BABAM2: variants seen among roughly 807,000 people sequenced by gnomAD.
BABAM2 encodes the protein BRISC and BRCA1 A complex member 2.
A neutral mutation model predicts 54.7 loss-of-function variants in BABAM2; 31 were observed. The observed-to-expected ratio is 0.57, with a 90% CI of 0.43 to 0.77. BABAM2 has a LOEUF of 0.77. Ranked by LOEUF, BABAM2 falls within the 30% of genes least tolerant of loss-of-function variation. The pLI is 0.00. For synonymous variants in BABAM2, 167 were observed against 162.9 expected (o/e 1.03, Z -0.19); for missense variants, 364 against 455.8 (o/e 0.80, Z 1.83).
chr2:28,118,564 GTTGT>G (rs2148744885), intron 6 of BABAM2, among the ~76,000 whole-genome samples: 1 of 152,122 alleles, frequency 6.6e-6, no homozygotes, highest in African/African-American at 2.4e-5. Context: ...TTTTGATAGG[GTTGT>G]TTGTTTTTTT....
At chr2:28,028,098 A>G (rs1310302765) in intron 5 of BABAM2, among the ~76,000 whole-genome samples, 1 of 152,018 alleles carries the variant, frequency 6.6e-6, no homozygotes, top group African/African-American at 2.4e-5. Context: ...TCGACTGGAG[A>G]TGGAGTCATT....
At chr2:28,165,974 T>A (rs961661945) in intron 7 of BABAM2, among the ~76,000 whole-genome samples, 2 of 152,156 alleles carry the variant, frequency 1.3e-5, no homozygotes, top group Non-Finnish European at 2.9e-5. Context: ...GGTAATTAGA[T>A]TAGAATGAGG....
At chr2:28,016,011 C>A in intron 4 of BABAM2, 1 of 616,762 alleles carries the variant, frequency 1.6e-6, no homozygotes, top group East Asian at 4.3e-5. Flanking sequence ...ACTTCTTTTT[C>A]TTTTTTAAAT....
chr2:28,164,076 G>T (rs1673382995), intron 7 of BABAM2, among the ~76,000 whole-genome samples: 1 of 152,192 alleles, frequency 6.6e-6, no homozygotes, highest in Non-Finnish European at 1.5e-5. Context: ...CCTACAACTT[G>T]TTGCACTTAA....
chr2:28,189,046 C>T (rs573594183), intron 7 of BABAM2, among the ~76,000 whole-genome samples: 1 of 151,996 alleles, frequency 6.6e-6, no homozygotes, highest in Non-Finnish European at 1.5e-5. Context: ...ACTAAAAATA[C>T]AAAAATTAGC....
intron 6 of BABAM2, among the ~76,000 whole-genome samples, chr2:28,111,618 C>T (rs931893511): frequency 1.3e-5 from 2 of 152,160 alleles, no homozygotes. Flanking sequence ...CTGTGTTCTC[C>T]TGTTTAATCA....
At chr2:28,211,384 A>ATATTTTTT (rs1679434145) in intron 7 of BABAM2, among the ~76,000 whole-genome samples, 1 of 25,332 alleles carries the variant, frequency 3.9e-5, no homozygotes, top group Admixed American at 6.7e-4. Context: ...CTTCCTTATT[A>ATATTTTTT]TCTTTTTTTT....
intron 6 of BABAM2, among the ~76,000 whole-genome samples, chr2:28,083,090 G>T (rs146588413): frequency 1.3e-5 from 2 of 152,082 alleles, no homozygotes; most frequent in Non-Finnish European, 2.9e-5. Context: ...AGTCTTTCCA[G>T]CTCCATTTCT....
intron 4 of BABAM2, among the ~76,000 whole-genome samples, chr2:28,003,189 T>C (rs1046382536): frequency 1.3e-5 from 2 of 152,196 alleles, no homozygotes; most frequent in Admixed American, 1.3e-4. Context: ...ATTAAAGCTT[T>C]GTTTTGCAAG....
rs537140995 is a variant in BABAM2, at chr2:27,894,471, G to A, written c.-24-62G>A. On this transcript the variant is annotated intron_variant, in intron 1 of 11. Transcript: ENST00000379624. ...CTGCTGTATGCTGTCCAGTTTTCAG[G>A]CAGAGTGTTGTATCTAGTCCATTTG... 9 of 1,495,600 alleles carry A rather than the reference G, an allele frequency of 6.0e-6. No homozygotes were observed. The East Asian group carries it at 2.0e-4, about 34-fold the overall frequency. 92.6% of individuals were successfully genotyped at this position (1,495,600 alleles called of 1,614,324 possible).
intron 6 of BABAM2, among the ~76,000 whole-genome samples, chr2:28,047,768 T>C (rs1677701310): frequency 6.6e-6 from 1 of 152,174 alleles, no homozygotes; most frequent in Non-Finnish European, 1.5e-5. Context: ...AACACTAATG[T>C]CCTTCTGGAT....
intron 7 of BABAM2, among the ~76,000 whole-genome samples, chr2:28,143,149 A>ATC (rs1263146288): frequency 1.3e-5 from 2 of 151,694 alleles, no homozygotes; most frequent in Non-Finnish European, 2.9e-5. Context: ...AAAGAAATAT[A>ATC]TATATATATA....
intron 7 of BABAM2, among the ~76,000 whole-genome samples, chr2:28,185,795 T>C (rs7602555): frequency 0.11 from 16,654 of 152,190 alleles, 992 homozygotes; most frequent in African/African-American, 0.14. Flanking sequence ...TTAATCTTCT[T>C]GTGCCATGAG....
In BABAM2 at chr2:28,207,560, A is replaced by T. The variant is rs549374673; in HGVS notation, c.681-29642A>T. Among the ~76,000 whole-genome samples, 29 of 152,260 alleles carry T rather than the reference A, an allele frequency of 1.9e-4. 2 individuals carry two copies. The South Asian group carries it at 5.6e-3, about 29-fold the overall frequency. On this transcript the variant is annotated intron_variant, in intron 7 of 11. Coordinates refer to ENST00000379624, the MANE Select transcript of BABAM2 (RefSeq NM_199191.3). Reference sequence around the variant, plus strand: ...CCTGTCTCAAAAAATAAATAAAAATAAAGCATCCAACTTGAGCAAGGAATA... The same window carrying T: ...CCTGTCTCAAAAAATAAATAAAAATTAAGCATCCAACTTGAGCAAGGAATA...
chr2:28,026,948 T>TATAAATATATA (rs1558667974), intron 5 of BABAM2, among the ~76,000 whole-genome samples: 6 of 73,378 alleles, frequency 8.2e-5, no homozygotes, highest in African/African-American at 4.1e-4. Context: ...AAATATATAT[T>TATAAATATATA]AATATATATA....
intron 11 of BABAM2, chr2:28,327,509 G>A: frequency 6.8e-7 from 1 of 1,470,650 alleles, no homozygotes; most frequent in East Asian, 2.4e-5. Flanking sequence ...ATACTTTGAT[G>A]TCTAGAAATG....
At chr2:28,168,819 C>T (rs1349685845) in intron 7 of BABAM2, among the ~76,000 whole-genome samples, 6 of 152,148 alleles carry the variant, frequency 3.9e-5, no homozygotes, top group African/African-American at 1.4e-4. Context: ...CATCTGGGCA[C>T]AGATCCAGTA....
At chr2:28,026,959 AATAT>A (rs374899033) in intron 5 of BABAM2, among the ~76,000 whole-genome samples, 4 of 9,308 alleles carry the variant, frequency 4.3e-4, no homozygotes, top group East Asian at 0.062. Context: ...AATATATATA[AATAT>A]ATATATAAAT....
At chr2:28,313,083 A>T in intron 11 of BABAM2, among the ~76,000 whole-genome samples, 1 of 152,130 alleles carries the variant, frequency 6.6e-6, no homozygotes, top group East Asian at 1.9e-4. Flanking sequence ...ACATCCACCT[A>T]CCCGTGGAGT....
Sources: gnomAD v4.1 joint callset for allele counts (sites outside exome capture counted in the v4.1 genomes callset) on GRCh38, gnomAD v4.1.1 for gene constraint, MANE v1.5 for transcripts, NCBI Gene and HGNC (gene_info 2026-07-23, HGNC 2026-07-21) for gene names.